The following FCHSD2 variants were observed in gnomAD, a reference collection of about 807,000 sequenced individuals.
FCHSD2 encodes F-BAR and double SH3 domains protein 2.
Under a neutral mutation model 108.1 loss-of-function variants are expected in FCHSD2, and 38 were observed. The ratio of observed to expected loss-of-function variants is 0.35; its 90% CI spans 0.27 to 0.46. The LOEUF (loss-of-function observed/expected upper bound fraction) is 0.46, where lower values mean the gene tolerates loss of function less well. FCHSD2 is among the 20% of genes least tolerant of loss of function. The pLI is 1.00. For synonymous variants in FCHSD2, 279 were observed against 314.7 expected, an observed-to-expected ratio of 0.89 and a Z score of 1.20; for missense variants, 751 against 897.8, an observed-to-expected ratio of 0.84 and a Z score of 2.09.
In FCHSD2 at chr11:73,129,906, G is replaced by A. The variant is rs182709180; in HGVS notation, c.119+10125C>T. Among the ~76,000 whole-genome samples the A allele has an allele frequency of 7.8e-3, 1,039 of 133,002 alleles. 15 individuals carry two copies. Among genetic ancestry groups the A allele is most frequent in the African/African-American group, 0.028 (969 of 34,244 alleles). The allele number at this position is 133,002 out of a possible 152,430, so 87.3% of individuals were successfully genotyped here. ...TTTTTTTTTTTTGAGACAGAGTCTCGCTCTGTCGCCCAGGCTGGAGTGCAG... is the reference window on the plus strand; with the variant it reads ...TTTTTTTTTTTTGAGACAGAGTCTCACTCTGTCGCCCAGGCTGGAGTGCAG... On this transcript the variant is annotated intron_variant, in intron 2 of 19. Coordinates refer to ENST00000409418, the MANE Select transcript of FCHSD2 (RefSeq NM_014824.3).
intron 3 of FCHSD2, among the ~76,000 whole-genome samples, chr11:73,072,196 G>C (rs1281283972): frequency 6.6e-6 from 1 of 150,926 alleles, no homozygotes; most frequent in Non-Finnish European, 1.5e-5. Context: ...TTTTATCCTG[G>C]CCTAACCACT....
chr11:72,879,549 T>C (rs1363506942), intron 12 of FCHSD2, among the ~76,000 whole-genome samples: 2 of 151,996 alleles, frequency 1.3e-5, no homozygotes, highest in Non-Finnish European at 2.9e-5. Context: ...TGAAGATAAA[T>C]AGGAATGAAC....
chr11:73,139,662 T>A (rs1305117124), intron 2 of FCHSD2, among the ~76,000 whole-genome samples: 5 of 152,256 alleles, frequency 3.3e-5, no homozygotes, highest in Non-Finnish European at 5.9e-5. Flanking sequence ...CCCCAGATAT[T>A]AACCATTAAC....
intron 8 of FCHSD2, among the ~76,000 whole-genome samples, chr11:72,978,088 A>AAC (rs1857141017): frequency 6.6e-6 from 1 of 151,764 alleles, no homozygotes; most frequent in Non-Finnish European, 1.5e-5. Flanking sequence ...ACATGTTCTC[A>AAC]CTCATAGGTG....
At chr11:73,058,656 T>C (rs1460939817) in intron 3 of FCHSD2, among the ~76,000 whole-genome samples, 10 of 151,040 alleles carry the variant, frequency 6.6e-5, no homozygotes, top group Admixed American at 6.6e-4. Flanking sequence ...AGTTCAGTGG[T>C]GTGATCTCAG....
intron 3 of FCHSD2, among the ~76,000 whole-genome samples, chr11:73,051,979 A>C (rs1222916780): frequency 6.6e-6 from 1 of 152,042 alleles, no homozygotes; most frequent in African/African-American, 2.4e-5. Context: ...ATATTCAGTG[A>C]ATCTGCAATA....
At chr11:73,098,395 A>G (rs1023538248) in intron 2 of FCHSD2, among the ~76,000 whole-genome samples, 12 of 151,958 alleles carry the variant, frequency 7.9e-5, no homozygotes, top group Non-Finnish European at 1.2e-4. Context: ...TCATTCCTCT[A>G]TGGGTAAAGA....
intron 3 of FCHSD2, among the ~76,000 whole-genome samples, chr11:73,021,329 T>C (rs1591488263): frequency 1.3e-5 from 2 of 150,224 alleles, no homozygotes; most frequent in Admixed American, 1.3e-4. Context: ...AATGGTAAAG[T>C]GGATAAAGAA....
At chr11:73,048,286 T>C (rs572700540) in intron 3 of FCHSD2, among the ~76,000 whole-genome samples, 3 of 152,280 alleles carry the variant, frequency 2.0e-5, no homozygotes, top group Non-Finnish European at 4.4e-5. Flanking sequence ...GACACACATA[T>C]GGGACCCAAA....
chr11:72,896,629 CT>C (rs1161196375), intron 10 of FCHSD2, among the ~76,000 whole-genome samples: 2 of 151,944 alleles, frequency 1.3e-5, no homozygotes, highest in Admixed American at 6.6e-5. Flanking sequence ...TCCCAAGGGA[CT>C]TTTAGTGATC....
chr11:73,022,065 G>A (rs1406965453), intron 3 of FCHSD2, among the ~76,000 whole-genome samples: 1 of 152,134 alleles, frequency 6.6e-6, no homozygotes, highest in African/African-American at 2.4e-5. Flanking sequence ...CTGCACTCCA[G>A]TCTGGGCAAC....
intron 8 of FCHSD2, among the ~76,000 whole-genome samples, chr11:72,932,159 A>C (rs1565328935): frequency 6.6e-6 from 1 of 152,078 alleles, no homozygotes; most frequent in Non-Finnish European, 1.5e-5. Flanking sequence ...TAATTACCAA[A>C]TCTTATTGAT....
In FCHSD2 at chr11:73,000,021, TTAAC is replaced by T. The variant is rs1317953469; in HGVS notation, c.387+965_387+968del. On this transcript the variant is annotated intron_variant, in intron 5 of 19. Transcript: ENST00000409418. The stretch of plus-strand genomic sequence containing the variant: ...CACAGGCATTCTTATACAAATATGT[TTAAC>T]TGACTAATATTAGGTGAGTGCTCTA... 2.6e-5 allele frequency among the ~76,000 whole-genome samples: 4 copies of T among 152,160 alleles called. No individual in the cohort carries two copies. The East Asian group carries it at 5.8e-4, about 22-fold the overall frequency.
intron 10 of FCHSD2, among the ~76,000 whole-genome samples, chr11:72,898,211 T>C (rs971650086): frequency 6.6e-6 from 1 of 152,222 alleles, no homozygotes; most frequent in Non-Finnish European, 1.5e-5. Flanking sequence ...GAAAACAGTG[T>C]AGTTTGAAAT....
At chr11:73,025,208 A>C (rs1858198778) in intron 3 of FCHSD2, among the ~76,000 whole-genome samples, 1 of 152,216 alleles carries the variant, frequency 6.6e-6, no homozygotes, top group Non-Finnish European at 1.5e-5. Context: ...CTGCAACACT[A>C]TTCACAGTAG....
chr11:72,970,357 T>C (rs545898853), intron 8 of FCHSD2, among the ~76,000 whole-genome samples: 52 of 152,282 alleles, frequency 3.4e-4, no homozygotes, highest in African/African-American at 1.2e-3. Flanking sequence ...TGTATGAAAA[T>C]TGTCTTTTAT....
At chr11:72,922,205 A>G (rs936935746) in intron 8 of FCHSD2, among the ~76,000 whole-genome samples, 2 of 152,208 alleles carry the variant, frequency 1.3e-5, no homozygotes, top group Non-Finnish European at 2.9e-5. Flanking sequence ...GACACAACTT[A>G]GAGACAAAAT....
At chr11:72,845,224 C>T (rs117484624) in intron 14 of FCHSD2, among the ~76,000 whole-genome samples, 2,304 of 152,048 alleles carry the variant, frequency 0.015, 32 homozygotes, top group Middle Eastern at 0.037. Flanking sequence ...AGTTTGAGAC[C>T]GGCCTGGGCA....
intron 12 of FCHSD2, among the ~76,000 whole-genome samples, chr11:72,871,924 T>C (rs1854868203): frequency 6.6e-6 from 1 of 152,054 alleles, no homozygotes; most frequent in Non-Finnish European, 1.5e-5. Context: ...CCGAATTCTC[T>C]GCTTGGGGAG....
Sources: gnomAD v4.1 joint callset for allele counts (sites outside exome capture counted in the v4.1 genomes callset) on GRCh38, gnomAD v4.1.1 for gene constraint, MANE v1.5 for transcripts, NCBI Gene and HGNC (gene_info 2026-07-23, HGNC 2026-07-21) for gene names.